The following SOS1 variants were observed in gnomAD, a reference collection of about 807,000 sequenced individuals.
SOS1 encodes the protein SOS Ras/Rac guanine nucleotide exchange factor 1, also known as son of sevenless homolog 1.
A neutral mutation model predicts 157.6 loss-of-function variants in SOS1; 25 were observed. That is an observed-to-expected ratio of 0.16 (90% CI 0.12 to 0.22). SOS1 has a LOEUF of 0.22. Ranked by LOEUF, SOS1 falls within the 10% of genes least tolerant of loss-of-function variation. The probability of loss-of-function intolerance (pLI) is 1.00; values close to 1 mark genes in which losing one functional copy is unlikely to be tolerated. For missense variants in SOS1, 1,237 were observed against 1,599.1 expected (o/e 0.77, Z 3.86); for synonymous variants, 528 against 534.0 (o/e 0.99, Z 0.16).
chr2:39,022,485 A>G (rs538454118), intron 10 of SOS1, 85 bp downstream of exon 10: 6 of 1,044,336 alleles, frequency 5.7e-6, no homozygotes, highest in African/African-American at 3.1e-5. Flanking sequence ...TTTCTTTTCT[A>G]TTTTAGGCAC....
intron 2 of SOS1, among the ~76,000 whole-genome samples, chr2:39,067,059 T>G (rs774028064): frequency 1.3e-5 from 2 of 152,158 alleles, no homozygotes; most frequent in African/African-American, 4.8e-5. Context: ...TTTGGAGTCA[T>G]GGTTCCACTC....
intron 6 of SOS1, among the ~76,000 whole-genome samples, chr2:39,039,190 A>G (rs575372007): frequency 6.6e-6 from 1 of 152,254 alleles, no homozygotes; most frequent in Admixed American, 6.5e-5. Flanking sequence ...TAGTGTAAAC[A>G]TAACTTTTAT....
At chr2:39,044,860 G>A (rs370670741) in intron 6 of SOS1, among the ~76,000 whole-genome samples, 6 of 24,670 alleles carry the variant, frequency 2.4e-4, no homozygotes, top group East Asian at 1.4e-3. Flanking sequence ...ATGCGCGCGC[G>A]CGCGCACACA....
At position 38,981,564 on chromosome 2, in the gene SOS1, G is replaced by A. The variant is rs1035645073; in HGVS notation, c.*4260C>T. On this transcript the variant is annotated 3_prime_UTR_variant, in exon 23 of 23. Coordinates refer to ENST00000402219, the MANE Select transcript of SOS1 (RefSeq NM_005633.4). ...AATAATACACTTGTGGGCTATGTAA[G>A]GCATTTTTCTTTATTATTTTTCAGT... is the stretch of plus-strand genomic sequence containing the variant. The A allele has an allele frequency of 6.6e-6, 1 of 151,964 alleles. No homozygotes were observed. Among genetic ancestry groups the A allele is most frequent in the African/African-American group, 2.4e-5 (1 of 41,366 alleles). 9.4% of individuals were successfully genotyped at this position (151,964 alleles called of 1,614,324 possible).
Position 39,010,581 on chromosome 2 carries a change from T to TA in SOS1, c.2510+2dup. 1 of 1,608,676 alleles carries TA rather than the reference T, an allele frequency of 6.2e-7. No homozygotes were observed. Among genetic ancestry groups the TA allele is most frequent in the Non-Finnish European group, 8.5e-7 (1 of 1,175,150 alleles). ...AAAATATAAGAATGCTAGGAATACTTACTTCTCAAACCACAGAGTGAGGTT... is the reference window on the plus strand; with the variant it reads ...AAAATATAAGAATGCTAGGAATACTTAACTTCTCAAACCACAGAGTGAGGTT... On this transcript the variant is annotated splice_region_variant and intron_variant, in intron 15 of 22. Coordinates refer to ENST00000402219, the MANE Select transcript of SOS1 (RefSeq NM_005633.4).
At chr2:39,080,933 A>C (rs1352631518) in intron 1 of SOS1, among the ~76,000 whole-genome samples, 1 of 152,106 alleles carries the variant, frequency 6.6e-6, no homozygotes, top group Non-Finnish European at 1.5e-5. Context: ...TGCCTATAAT[A>C]CCAGCACTTT....
chr2:39,119,902 T>C (rs536356404), intron 1 of SOS1, among the ~76,000 whole-genome samples: 16 of 152,198 alleles, frequency 1.1e-4, no homozygotes, highest in Non-Finnish European at 1.9e-4. Context: ...CGCAATTCCT[T>C]TGAGCAAGCC....
chr2:38,983,248 A>G lies in SOS1; in HGVS notation c.*2576T>C, dbSNP rs1374126060. The G allele has an allele frequency of 6.6e-6, 1 of 152,100 alleles. No individual in the cohort carries two copies. The highest frequency in any genetic ancestry group is 1.5e-5 in the Non-Finnish European group (1 of 68,014). The allele number at this position is 152,100 out of a possible 1,614,324, so 9.4% of individuals were successfully genotyped here. ...CCATTTCTGGTCCCTGATTAAATAG[A>G]TTTTCATTACTACAAGGATAAATTT... On this transcript the variant is annotated 3_prime_UTR_variant, in exon 23 of 23. Transcript: ENST00000402219.
At chr2:38,998,935 T>C (rs1164347436) in intron 17 of SOS1, among the ~76,000 whole-genome samples, 1 of 152,214 alleles carries the variant, frequency 6.6e-6, no homozygotes, top group Middle Eastern at 3.2e-3. Flanking sequence ...AAGGCGTTCC[T>C]GACCTCAGGG....
chr2:39,007,568 T>C (rs1669321070), intron 15 of SOS1: 1 of 182,564 alleles, frequency 5.5e-6, no homozygotes, highest in African/African-American at 2.4e-5. Flanking sequence ...ATTCTTCATC[T>C]AATTGCAAGA....
Position 39,013,927 on chromosome 2 carries a change from T to C in SOS1, c.2003A>G (p.Gln668Arg), listed in dbSNP as rs1227177181. The change falls in exon 12 of 23, where the codon CAA becomes CGA. Residue 668 changes from glutamine to arginine, a missense_variant. Gln to Arg is a conservative substitution (Grantham distance 43, BLOSUM62 1). Coordinates refer to ENST00000402219, the MANE Select transcript of SOS1 (RefSeq NM_005633.4). ...ADRIAIENGD[Q>R]PLSAELKRFR... ...TCTTTTCAGTTCTGCACTCAAGGGT[T>C]GATCTCCATTCTCTATAGCTATGCG... 6.2e-7 allele frequency: 1 copy of C among 1,606,202 alleles called. No individual in the cohort carries two copies. The highest frequency in any genetic ancestry group is 1.1e-5 in the South Asian group (1 of 90,962).
At chr2:39,102,230 A>AAAAAAAAAAAAAAAT (rs1553370166) in intron 1 of SOS1, among the ~76,000 whole-genome samples, 1 of 142,860 alleles carries the variant, frequency 7.0e-6, no homozygotes, top group African/African-American at 2.7e-5. Context: ...AAAAAAAAAA[A>AAAAAAAAAAAAAAAT]GTGCCACTTT....
intron 8 of SOS1, among the ~76,000 whole-genome samples, chr2:39,030,125 C>T (rs1407199679): frequency 1.3e-5 from 2 of 151,464 alleles, no homozygotes; most frequent in Non-Finnish European, 2.9e-5. Flanking sequence ...GTGATAGCAC[C>T]ACTGCAATCC....
At chr2:39,014,703 CT>C in intron 11 of SOS1, 61 bp downstream of exon 11, 1 of 888,332 alleles carries the variant, frequency 1.1e-6, no homozygotes, top group South Asian at 1.5e-5. Flanking sequence ...TGAAAAGGAT[CT>C]TAGCTCAATC....
chr2:39,109,910 C>A (rs1370392185), intron 1 of SOS1, among the ~76,000 whole-genome samples: 2 of 151,980 alleles, frequency 1.3e-5, no homozygotes, highest in Non-Finnish European at 2.9e-5. Flanking sequence ...TTTAAAAGAA[C>A]AAAATTGGAG....
chr2:39,108,019 T>C (rs2148218837), intron 1 of SOS1, among the ~76,000 whole-genome samples: 1 of 152,336 alleles, frequency 6.6e-6, no homozygotes, highest in African/African-American at 2.4e-5. Flanking sequence ...AGAATACTGA[T>C]GGTGCCTTAG....
At chr2:39,069,737 G>A (rs1277458862) in intron 1 of SOS1, among the ~76,000 whole-genome samples, 6 of 152,006 alleles carry the variant, frequency 3.9e-5, no homozygotes, top group Non-Finnish European at 5.9e-5. Context: ...TAGTGGAGAC[G>A]GGGTTTCACC....
chr2:39,107,317 T>G (rs1455364351), intron 1 of SOS1, among the ~76,000 whole-genome samples: 1 of 152,126 alleles, frequency 6.6e-6, no homozygotes, highest in Non-Finnish European at 1.5e-5. Context: ...CACTAGCTCC[T>G]CCCAGTCACT....
intron 6 of SOS1, 83 bp from the exon 7 acceptor site, chr2:39,035,583 G>A: frequency 2.1e-6 from 2 of 951,596 alleles, no homozygotes; most frequent in Non-Finnish European, 3.4e-6. Context: ...GACTATGCGA[G>A]CACAATTATG....
Sources: gnomAD v4.1 joint callset for allele counts (sites outside exome capture counted in the v4.1 genomes callset) on GRCh38, gnomAD v4.1.1 for gene constraint, MANE v1.5 for transcripts, NCBI Gene and HGNC (gene_info 2026-07-23, HGNC 2026-07-21) for gene names.